MYLK4: variants seen among roughly 807,000 people sequenced by gnomAD.
MYLK4 encodes caMLCK like.
Under a neutral mutation model 48.1 loss-of-function variants are expected in MYLK4, and 46 were observed. The observed-to-expected ratio is 0.96, with a 90% CI of 0.75 to 1.22. The LOEUF (loss-of-function observed/expected upper bound fraction) is 1.22. MYLK4 is among the 50% of genes most tolerant of loss of function. MYLK4 has a pLI of 0.00. For synonymous variants in MYLK4, 170 were observed against 180.8 expected, an observed-to-expected ratio of 0.94 and a Z score of 0.48; for missense variants, 451 against 486.1, an observed-to-expected ratio of 0.93 and a Z score of 0.68.
At position 2,730,094 on chromosome 6, in the gene MYLK4, C is replaced by T. The variant is rs771969469; in HGVS notation, c.159+19042G>A. 9.2e-5 allele frequency among the ~76,000 whole-genome samples: 14 copies of T among 152,338 alleles called. 1 individual carries two copies. The South Asian group carries it at 2.9e-3, about 32-fold the overall frequency. ...AGCTAAGAACAGCGTGCTGGGGAAG[C>T]GTTCCGCAGGCCATCTGCCTGCAGC... is the stretch of plus-strand genomic sequence containing the variant. On this transcript the variant is annotated intron_variant, in intron 2 of 12. Coordinates refer to ENST00000274643, the MANE Select transcript of MYLK4 (RefSeq NM_001012418.5).
At chr6:2,724,470 C>T (rs544659044) in intron 2 of MYLK4, among the ~76,000 whole-genome samples, 6 of 152,244 alleles carry the variant, frequency 3.9e-5, no homozygotes, top group East Asian at 1.9e-4. Flanking sequence ...AGGGACCTTT[C>T]GTCACTTGGT....
At chr6:2,763,240 T>G in the MYLK4 span, among the ~76,000 whole-genome samples, 1 of 152,322 alleles carries the variant, frequency 6.6e-6, no homozygotes, top group Middle Eastern at 3.4e-3. Flanking sequence ...GTTCTCCAAG[T>G]CCCCACCAGA....
At position 2,666,294 on chromosome 6, in the gene MYLK4, T is replaced by C. The variant is rs1200937979; in HGVS notation, c.*1631A>G. On this transcript the variant is annotated 3_prime_UTR_variant, in exon 13 of 13. Coordinates refer to ENST00000274643, the MANE Select transcript of MYLK4 (RefSeq NM_001012418.5). ...CCTCATGAGGCCACCAAGTAATTCT[T>C]ATGCCTTTCATTGCTATTGCGACAA... 6.6e-6 allele frequency: 1 copy of C among 152,180 alleles called. No homozygotes were observed. Among genetic ancestry groups the C allele is most frequent in the Admixed American group, 6.5e-5 (1 of 15,282 alleles). The allele number at this position is 152,180 out of a possible 1,614,324, so 9.4% of individuals were successfully genotyped here. A position where few individuals can be genotyped will look rare whatever the true frequency, so the allele number is the denominator to read the frequency against.
At chr6:2,768,642 C>T in the MYLK4 span, 7 of 1,512,492 alleles carry the variant, frequency 4.6e-6, no homozygotes, top group East Asian at 1.6e-4. Flanking sequence ...GTGCTGGTCT[C>T]TCTGTGTCTT....
chr6:2,717,155 A>G (rs1762893709), intron 2 of MYLK4, among the ~76,000 whole-genome samples: 1 of 152,188 alleles, frequency 6.6e-6, no homozygotes, highest in Admixed American at 6.5e-5. Flanking sequence ...CCTTCCAGGA[A>G]CGTCTTGAGG....
chr6:2,684,674 T>C (rs1421573687), intron 6 of MYLK4, among the ~76,000 whole-genome samples: 2 of 152,156 alleles, frequency 1.3e-5, no homozygotes, highest in Non-Finnish European at 2.9e-5. Flanking sequence ...AACAACTGTA[T>C]ATGTGGCATT....
intron 10 of MYLK4, among the ~76,000 whole-genome samples, chr6:2,676,651 C>T (rs929564677): frequency 6.6e-6 from 1 of 152,160 alleles, no homozygotes; most frequent in African/African-American, 2.4e-5. Flanking sequence ...AGCCAGTTGC[C>T]ATCGGCCCAA....
intron 2 of MYLK4, among the ~76,000 whole-genome samples, chr6:2,724,424 G>C (rs1763177952): frequency 6.6e-6 from 1 of 152,196 alleles, no homozygotes; most frequent in African/African-American, 2.4e-5. Context: ...TCCGGCCAGG[G>C]AGAAATCAAT....
chr6:2,730,485 T>C (rs930989), intron 2 of MYLK4, among the ~76,000 whole-genome samples: 142,876 of 152,228 alleles, frequency 0.94, 67,122 homozygotes, highest in East Asian at 1. Context: ...TTAAAGGCCC[T>C]GGCATTCACT....
the MYLK4 span, among the ~76,000 whole-genome samples, chr6:2,761,056 G>C: frequency 6.6e-6 from 1 of 152,124 alleles, no homozygotes; most frequent in East Asian, 1.9e-4. Context: ...ATGAAGGTGC[G>C]CAAGATCATG....
intron 2 of MYLK4, among the ~76,000 whole-genome samples, chr6:2,701,958 C>T (rs529216548): frequency 2.7e-4 from 41 of 152,326 alleles, no homozygotes; most frequent in Admixed American, 3.3e-4. Flanking sequence ...TGCCTCCATC[C>T]ACAAGGCGTC....
chr6:2,766,096 CGAGGCG>C, the MYLK4 span: 3 of 1,314,978 alleles, frequency 2.3e-6, no homozygotes, highest in African/African-American at 4.6e-5. Flanking sequence ...GCAGCTGGGA[CGAGGCG>C]GAGGCGCAGG....
At chr6:2,733,839 C>G (rs1482157399) in intron 2 of MYLK4, among the ~76,000 whole-genome samples, 1 of 152,096 alleles carries the variant, frequency 6.6e-6, no homozygotes, top group Non-Finnish European at 1.5e-5. Flanking sequence ...AAGCTTCGCC[C>G]GCGGAGACGC....
chr6:2,766,378 G>T, the MYLK4 span: 1 of 1,609,048 alleles, frequency 6.2e-7, no homozygotes, highest in Non-Finnish European at 8.5e-7. Context: ...ATACCCTGCT[G>T]CGCTCGCTCC....
chr6:2,740,351 C>T (rs1019102142), intron 2 of MYLK4, among the ~76,000 whole-genome samples: 1 of 152,244 alleles, frequency 6.6e-6, no homozygotes, highest in Non-Finnish European at 1.5e-5. Context: ...CTGCATTACG[C>T]CTTCTTCCCA....
chr6:2,683,859 C>A (rs1761423453), intron 6 of MYLK4, among the ~76,000 whole-genome samples: 1 of 152,114 alleles, frequency 6.6e-6, no homozygotes, highest in Non-Finnish European at 1.5e-5. Context: ...AGGGTCTCAG[C>A]CCTCTAAGTC....
At chr6:2,692,629 CAA>C (rs75767685) in intron 3 of MYLK4, among the ~76,000 whole-genome samples, 153 bp downstream of exon 3, 4 of 38,372 alleles carry the variant, frequency 1.0e-4, no homozygotes, top group East Asian at 5.8e-4. Flanking sequence ...CAAACACAAG[CAA>C]AAAAAAAAAA....
chr6:2,746,978 T>A (rs1226890435), intron 2 of MYLK4, among the ~76,000 whole-genome samples: 1 of 152,202 alleles, frequency 6.6e-6, no homozygotes, highest in African/African-American at 2.4e-5. Flanking sequence ...CTCTGACACA[T>A]GCACCTATCC....
At chr6:2,743,036 C>T (rs976919746) in intron 2 of MYLK4, among the ~76,000 whole-genome samples, 7 of 152,022 alleles carry the variant, frequency 4.6e-5, no homozygotes, top group South Asian at 2.1e-4. Flanking sequence ...ACTCTTTTTA[C>T]GTATAAAGCA....
Sources: allele counts gnomAD v4.1 joint callset (sites outside exome capture counted in the v4.1 genomes callset), GRCh38; gene constraint gnomAD v4.1.1; transcripts MANE v1.5; gene names NCBI Gene and HGNC (gene_info 2026-07-23, HGNC 2026-07-21).